Variants in UGP2 observed in about 807,000 individuals in gnomAD.
UGP2 encodes the protein UTP--glucose-1-phosphate uridylyltransferase.
A neutral mutation model predicts 49.0 loss-of-function variants in UGP2; 40 were observed. The ratio of observed to expected loss-of-function variants is 0.82; its 90% confidence interval spans 0.63 to 1.06. The LOEUF is 1.06. Among genes scored for constraint, UGP2 ranks in the 50% least tolerant of loss-of-function variants. The pLI, the probability that UGP2 is intolerant of heterozygous loss-of-function variation, is 0.00. For missense variants in UGP2, 460 were observed against 603.5 expected (o/e 0.76, Z 2.49); for synonymous variants, 225 against 213.0 (o/e 1.06, Z -0.49).
At chr2:63,890,234 T>C (rs751631083) in intron 9 of UGP2, 49 bp downstream of exon 9, 37 of 1,365,424 alleles carry the variant, frequency 2.7e-5, no homozygotes. Context: ...ACAATATAGG[T>C]CTCATTTTCT....
At chr2:63,852,426 T>C (rs776220050) in intron 1 of UGP2, among the ~76,000 whole-genome samples, 3 of 152,386 alleles carry the variant, frequency 2.0e-5, no homozygotes, top group East Asian at 1.9e-4. Flanking sequence ...CCAAATGGAA[T>C]AGGAAATTGC....
chr2:63,859,740 A>G (rs1415062154), intron 3 of UGP2, among the ~76,000 whole-genome samples: 3 of 152,328 alleles, frequency 2.0e-5, no homozygotes, highest in African/African-American at 4.8e-5. Flanking sequence ...TCTGTTTATA[A>G]AAGTGTAAGT....
At chr2:63,884,131 C>G in intron 5 of UGP2, 38 bp downstream of exon 5, 2 of 1,606,212 alleles carry the variant, frequency 1.2e-6, no homozygotes, top group Admixed American at 1.7e-5. Context: ...GTATGTTACT[C>G]CTGGGAAAGG....
At chr2:63,864,643 G>A (rs943229352) in intron 3 of UGP2, among the ~76,000 whole-genome samples, 5 of 152,100 alleles carry the variant, frequency 3.3e-5, no homozygotes, top group African/African-American at 1.2e-4. Flanking sequence ...ACCTGAGCCC[G>A]CATTCCTAAT....
At chr2:63,872,877 G>A (rs1446165106) in intron 3 of UGP2, among the ~76,000 whole-genome samples, 2 of 151,974 alleles carry the variant, frequency 1.3e-5, no homozygotes, top group African/African-American at 4.8e-5. Flanking sequence ...CATGCTGGAC[G>A]AGGTGTTGGT....
intron 2 of UGP2, chr2:63,857,473 C>A: frequency 2.6e-6 from 1 of 385,848 alleles, no homozygotes; most frequent in Non-Finnish European, 5.2e-6. Flanking sequence ...AAGTGATCCT[C>A]CCACCTCAGC....
intron 3 of UGP2, among the ~76,000 whole-genome samples, chr2:63,860,217 T>C (rs1669741373): frequency 6.6e-6 from 1 of 152,244 alleles, no homozygotes; most frequent in Admixed American, 6.5e-5. Context: ...GTAACATTTC[T>C]CATGTCAGCC....
intron 6 of UGP2, 80 bp downstream of exon 6, chr2:63,885,966 A>T (rs1038162199): frequency 7.0e-7 from 1 of 1,420,766 alleles, no homozygotes; most frequent in African/African-American, 1.5e-5. Context: ...TTTTTATTTG[A>T]AAGTTTCTAT....
Position 63,858,589 on chromosome 2 carries a change from G to T in UGP2, c.255+653G>T, listed in dbSNP as rs146579151. On this transcript the variant is annotated intron_variant, in intron 3 of 9. Transcript: ENST00000337130. ...TCTCTCTGAGGAGCCTCTTATTTTT[G>T]ATGTTAAAGCTAAAATTCCTCTTGG... Among the ~76,000 whole-genome samples the T allele has an allele frequency of 3.6e-3, 540 of 151,108 alleles. 9 individuals are homozygous for T. In the East Asian group the frequency reaches 0.037, roughly 10 times the overall value.
chr2:63,879,493 A>T (rs564947148), intron 3 of UGP2, among the ~76,000 whole-genome samples: 3 of 152,234 alleles, frequency 2.0e-5, no homozygotes, highest in Non-Finnish European at 4.4e-5. Flanking sequence ...AACAAACTCA[A>T]TGATATCCCT....
chr2:63,858,428 T>C (rs1669599193), intron 3 of UGP2, among the ~76,000 whole-genome samples: 3 of 152,036 alleles, frequency 2.0e-5, no homozygotes, highest in South Asian at 2.1e-4. Flanking sequence ...GAGAAAATTA[T>C]ATATATAGTT....
chr2:63,854,521 T>G (rs1311455964), intron 1 of UGP2, among the ~76,000 whole-genome samples: 1 of 152,242 alleles, frequency 6.6e-6, no homozygotes, highest in Admixed American at 6.5e-5. Flanking sequence ...AAATTCAGGA[T>G]GGATGAAGAA....
At chr2:63,855,632 C>T (rs1669359575) in intron 1 of UGP2, 1 of 431,492 alleles carries the variant, frequency 2.3e-6, no homozygotes, top group South Asian at 1.6e-5. Flanking sequence ...GCCTCTGCCT[C>T]CTCGGCTCAA....
At chr2:63,875,986 C>T (rs1391618708) in intron 3 of UGP2, among the ~76,000 whole-genome samples, 1 of 152,090 alleles carries the variant, frequency 6.6e-6, no homozygotes, top group Non-Finnish European at 1.5e-5. Context: ...TCTCTGAACA[C>T]TAGCCATCTT....
intron 3 of UGP2, among the ~76,000 whole-genome samples, chr2:63,877,716 G>A (rs543922711): frequency 1.3e-5 from 2 of 152,264 alleles, no homozygotes; most frequent in African/African-American, 2.4e-5. Context: ...GCATGCGGCC[G>A]GGCGCGGTGG....
At chr2:63,846,828 T>G (rs1412520935) in intron 1 of UGP2, among the ~76,000 whole-genome samples, 2 of 152,144 alleles carry the variant, frequency 1.3e-5, no homozygotes, top group African/African-American at 4.8e-5. Context: ...TGGATTTGAG[T>G]GAGGACAAGA....
chr2:63,874,693 G>T (rs1670790423), intron 3 of UGP2, among the ~76,000 whole-genome samples: 1 of 151,936 alleles, frequency 6.6e-6, no homozygotes, highest in South Asian at 2.1e-4. Context: ...CATGGGAACG[G>T]ATCCCTCATG....
intron 3 of UGP2, among the ~76,000 whole-genome samples, chr2:63,867,036 T>C (rs1029372504): frequency 6.6e-6 from 1 of 152,212 alleles, no homozygotes; most frequent in Admixed American, 6.5e-5. Context: ...GAGCTTGTGG[T>C]TTAATTTCTG....
intron 1 of UGP2, among the ~76,000 whole-genome samples, chr2:63,848,920 T>C (rs1004402243): frequency 5.9e-5 from 9 of 152,222 alleles, no homozygotes; most frequent in Admixed American, 6.5e-5. Flanking sequence ...TGCCAACAGT[T>C]CCGTTGTTTA....
Sources: allele counts gnomAD v4.1 joint callset (sites outside exome capture counted in the v4.1 genomes callset), GRCh38; gene constraint gnomAD v4.1.1; transcripts MANE v1.5; gene names NCBI Gene and HGNC (gene_info 2026-07-23, HGNC 2026-07-21).